SYNJ1: variants seen among roughly 807,000 people sequenced by gnomAD.
The protein encoded by SYNJ1 is polyphosphatidylinositol phosphatase SYNJ1.
SYNJ1 carries 78 observed loss-of-function variants against 168.2 expected under a neutral mutation model. That is an observed-to-expected ratio of 0.46 (90% CI 0.39 to 0.56). The LOEUF is 0.56. Among genes scored for constraint, SYNJ1 ranks in the 20% least tolerant of loss-of-function variants. The probability of loss-of-function intolerance (pLI) is 0.00; values close to 1 mark genes in which losing one functional copy is unlikely to be tolerated. For synonymous variants in SYNJ1, 539 were observed against 548.6 expected (o/e 0.98, Z 0.24); for missense variants, 1,303 against 1,597.6 (o/e 0.82, Z 3.14).
intron 31 of SYNJ1, among the ~76,000 whole-genome samples, chr21:32,637,399 CTTTTTTCT>C (rs1160198818): frequency 7.3e-6 from 1 of 137,394 alleles, no homozygotes; most frequent in Non-Finnish European, 1.6e-5. Flanking sequence ...CTCAATTTTT[CTTTTTTCT>C]TTTTTTTTTT....
At chr21:32,673,043 G>C (rs2041265512) in intron 14 of SYNJ1, among the ~76,000 whole-genome samples, 1 of 152,090 alleles carries the variant, frequency 6.6e-6, no homozygotes, top group South Asian at 2.1e-4. Flanking sequence ...TCTTATATGT[G>C]TGGTTGCCTT....
intron 14 of SYNJ1, among the ~76,000 whole-genome samples, chr21:32,671,239 T>A (rs1368373964): frequency 6.6e-6 from 1 of 151,828 alleles, no homozygotes. Flanking sequence ...CCCAGGAGTT[T>A]GAGGTTATCG....
intron 19 of SYNJ1, 72 bp downstream of exon 19, chr21:32,657,644 G>T: frequency 1.5e-6 from 2 of 1,371,480 alleles, no homozygotes; most frequent in East Asian, 2.5e-5. Flanking sequence ...CTCCTCATTT[G>T]ATATTATGTC....
chr21:32,661,269 G>T (rs1485484067), intron 18 of SYNJ1, among the ~76,000 whole-genome samples: 2 of 152,172 alleles, frequency 1.3e-5, no homozygotes, highest in Non-Finnish European at 2.9e-5. Flanking sequence ...TAGCACAATG[G>T]TGTGTTACTT....
chr21:32,633,932 G>A lies in SYNJ1; in HGVS notation c.*3+929C>T, dbSNP rs986340996. Among the ~76,000 whole-genome samples the A allele has an allele frequency of 3.9e-5, 6 of 152,232 alleles. No homozygotes were observed. The East Asian group carries it at 1.2e-3, about 29-fold the overall frequency. ...TCTTAGGTAAGTAGACCTATATGTG[G>A]AAATGTACTTAAAAGGAAATTTATA... On this transcript the variant is annotated intron_variant, in intron 32 of 32. Coordinates refer to ENST00000674351, the MANE Select transcript of SYNJ1 (RefSeq NM_203446.3).
chr21:32,696,372 A>G (rs939833686), intron 4 of SYNJ1, among the ~76,000 whole-genome samples: 11 of 152,180 alleles, frequency 7.2e-5, no homozygotes, highest in African/African-American at 2.2e-4. Context: ...CAGAAGCCCA[A>G]TGATTATGAT....
At chr21:32,696,302 C>T (rs551288243) in intron 4 of SYNJ1, among the ~76,000 whole-genome samples, 2 of 152,312 alleles carry the variant, frequency 1.3e-5, no homozygotes, top group African/African-American at 4.8e-5. Context: ...TTCTAGGTAA[C>T]AGATGTGGCC....
intron 2 of SYNJ1, among the ~76,000 whole-genome samples, chr21:32,726,221 A>G (rs952123187): frequency 6.6e-6 from 1 of 152,164 alleles, no homozygotes; most frequent in African/African-American, 2.4e-5. Context: ...AACATTACTA[A>G]TCTATTTTTC....
chr21:32,703,282 G>A (rs1207430758), intron 2 of SYNJ1, among the ~76,000 whole-genome samples: 1 of 152,228 alleles, frequency 6.6e-6, no homozygotes, highest in Non-Finnish European at 1.5e-5. Context: ...AAATTAGGGA[G>A]TGGAGATTCG....
rs560851652 is a variant in SYNJ1 at position 32,680,646 on chromosome 21, C to T, written c.1353+850G>A. ...TTTTTTTTTGGAACAGAGTCTCACTCTGTCACTCAGGCTGGATGGAGTGCA... is the reference window on the plus strand; with the variant it reads ...TTTTTTTTTGGAACAGAGTCTCACTTTGTCACTCAGGCTGGATGGAGTGCA... On this transcript the variant is annotated intron_variant, in intron 11 of 32. Transcript: ENST00000674351. Among the ~76,000 whole-genome samples the T allele has an allele frequency of 7.3e-4, 111 of 151,782 alleles. 1 individual carries two copies. The highest frequency in any genetic ancestry group is 2.5e-3 in the African/African-American group (105 of 41,398).
Position 32,723,392 on chromosome 21 carries a change from C to A in SYNJ1, c.124+3380G>T, listed in dbSNP as rs141710644. On this transcript the variant is annotated intron_variant, in intron 2 of 32. Transcript: ENST00000674351. The stretch of plus-strand genomic sequence containing the variant: ...TTTACTTTTTAAAGTAAAGCCAGGG[C>A]AAGTAGAGACTTGAAATTAGGAACT... 2.5e-4 allele frequency among the ~76,000 whole-genome samples: 38 copies of A among 152,324 alleles called. 1 individual carries two copies. The highest frequency in any genetic ancestry group is 2.5e-3 in the South Asian group (12 of 4,828).
Position 32,699,847 on chromosome 21 carries a change from C to G in SYNJ1, c.470G>C (p.Arg157Thr), listed in dbSNP as rs375831365. 2.7e-5 allele frequency: 43 copies of G among 1,608,882 alleles called. No homozygotes were observed. Among genetic ancestry groups the G allele is most frequent in the Non-Finnish European group, 3.7e-5 (43 of 1,177,738 alleles). ...RSMQEQTTDN[R>T]FFWNQSLHLH... ...GAAAAAATGAACTCACCAGAAAAAT[C>G]TATTATCAGTTGTCTGTTCTTGCAT... Residue 157 changes from arginine to threonine, a missense_variant, in exon 4 of 33, where the codon AGA becomes ACA. Arg to Thr is a moderately conservative substitution (Grantham distance 71). Transcript: ENST00000674351.
intron 29 of SYNJ1, among the ~76,000 whole-genome samples, chr21:32,640,588 C>T (rs903114054): frequency 6.6e-6 from 1 of 152,162 alleles, no homozygotes; most frequent in Non-Finnish European, 1.5e-5. Flanking sequence ...AGCCACCGTA[C>T]CTGGTCAAGA....
rs369845354 is a variant in SYNJ1, at chr21:32,665,910, C to G, written c.2145+33G>C. On this transcript the variant is annotated intron_variant, in intron 17 of 32. Coordinates refer to ENST00000674351, the MANE Select transcript of SYNJ1 (RefSeq NM_203446.3). The stretch of plus-strand genomic sequence containing the variant: ...GGGCAAATTAAAATATATTTCAAAG[C>G]TTTATCTTCAAGAACAAGCAGCAAG... 1.0e-4 allele frequency: 157 copies of G among 1,545,010 alleles called. No individual in the cohort carries two copies. The East Asian group carries it at 2.1e-3, about 21-fold the overall frequency.
intron 21 of SYNJ1, 179 bp from the exon 22 acceptor site, chr21:32,653,545 C>T (rs550638125): frequency 1.3e-5 from 7 of 552,716 alleles, no homozygotes; most frequent in Middle Eastern, 4.8e-4. Flanking sequence ...CCTAAAAACA[C>T]TCTAACTCCA....
rs1411931997 is a variant in SYNJ1 at position 32,695,210 on chromosome 21, A to G, written c.552T>C (p.Cys184=). Reference sequence around the variant, plus strand: ...AAATTGTTCTGATTTCTACTCCTCCACACATAAGACGTAATAACCAGTCAT... The same window carrying G: ...AAATTGTTCTGATTTCTACTCCTCCGCACATAAGACGTAATAACCAGTCAT... ...NCDDWLLRLM[C]GGVEIRTIYA... Residue 184 remains cysteine, a synonymous_variant, in exon 5 of 33, where the codon TGT becomes TGC. Coordinates refer to ENST00000674351, the MANE Select transcript of SYNJ1 (RefSeq NM_203446.3). 1.9e-6 allele frequency: 3 copies of G among 1,614,114 alleles called. No homozygotes were observed. The highest frequency in any genetic ancestry group is 4.5e-5 in the East Asian group (2 of 44,858).
rs148488044 is a variant in SYNJ1, at chr21:32,653,603, C to A, written c.2796-237G>T. On this transcript the variant is annotated intron_variant, in intron 21 of 32. Transcript: ENST00000674351. ...AACAGCCACAAGAAATGAGTCTGTG[C>A]ACCTCCATTTGTGATCACTGCTAAT... 24 of 433,344 alleles carry A rather than the reference C, an allele frequency of 5.5e-5. No individual in the cohort carries two copies. The East Asian group carries it at 1.0e-3, about 18-fold the overall frequency. 26.8% of individuals were successfully genotyped at this position (433,344 alleles called of 1,614,324 possible). A position where few individuals can be genotyped will look rare whatever the true frequency, so the allele number is the denominator to read the frequency against.
chr21:32,701,090 T>C (rs1569112669), intron 3 of SYNJ1, among the ~76,000 whole-genome samples: 1 of 152,200 alleles, frequency 6.6e-6, no homozygotes, highest in Admixed American at 6.5e-5. Context: ...ACCTGAGATA[T>C]CATCTCTTAT....
At chr21:32,658,725 C>A (rs926334685) in intron 18 of SYNJ1, among the ~76,000 whole-genome samples, 1 of 152,164 alleles carries the variant, frequency 6.6e-6, no homozygotes, top group Admixed American at 6.5e-5. Flanking sequence ...AAAGCGCTCA[C>A]CCCAGCTCCT....
Sources: allele counts gnomAD v4.1 joint callset (sites outside exome capture counted in the v4.1 genomes callset), GRCh38; gene constraint gnomAD v4.1.1; transcripts MANE v1.5; gene names NCBI Gene and HGNC (gene_info 2026-07-23, HGNC 2026-07-21).